Variants in DNAH14 observed in about 807,000 individuals in gnomAD.
The protein encoded by DNAH14 is dynein axonemal heavy chain 14, also known as axonemal beta dynein heavy chain 14.
A neutral mutation model predicts 520.9 loss-of-function variants in DNAH14; 478 were observed. The ratio of observed to expected loss-of-function variants is 0.92; its 90% confidence interval spans 0.85 to 0.99. DNAH14 has a LOEUF of 0.99. Among genes scored for constraint, DNAH14 ranks in the 50% least tolerant of loss-of-function variants. The pLI, the probability that DNAH14 is intolerant of heterozygous loss-of-function variation, is 0.00. For missense variants in DNAH14, 4,831 were observed against 5,234.5 expected, an observed-to-expected ratio of 0.92 and a Z score of 2.38; for synonymous variants, 1,581 against 1,757.2, an observed-to-expected ratio of 0.90 and a Z score of 2.51.
chr1:225,113,710 C>A (rs1457773066), intron 23 of DNAH14, among the ~76,000 whole-genome samples: 1 of 152,216 alleles, frequency 6.6e-6, no homozygotes, highest in East Asian at 1.9e-4. Context: ...GTCCTTCTCA[C>A]TCTTCCCTTC....
At chr1:225,272,159 G>GA in intron 51 of DNAH14, 86 bp downstream of exon 51, 1 of 1,278,010 alleles carries the variant, frequency 7.8e-7, no homozygotes, top group Non-Finnish European at 1.1e-6. Context: ...GTTAGAAGGG[G>GA]AAAAAAGGGA....
At chr1:225,374,548 A>G (rs1038385104) in intron 77 of DNAH14, 140 bp from the exon 78 acceptor site, 5 of 771,112 alleles carry the variant, frequency 6.5e-6, no homozygotes, top group Non-Finnish European at 9.7e-6. Flanking sequence ...GGCGTGAGCC[A>G]CTGCACCTGG....
intron 60 of DNAH14, among the ~76,000 whole-genome samples, chr1:225,316,013 G>C (rs932992124): frequency 6.6e-6 from 1 of 152,234 alleles, no homozygotes; most frequent in Admixed American, 6.5e-5. Flanking sequence ...ATAAGCCCCT[G>C]ACGGGGCTGC....
intron 68 of DNAH14, among the ~76,000 whole-genome samples, chr1:225,338,744 G>A (rs1310291244): frequency 6.6e-6 from 1 of 152,176 alleles, no homozygotes; most frequent in Non-Finnish European, 1.5e-5. Context: ...TGTTTGAATT[G>A]TTAATGTGCA....
chr1:225,049,815 A>G (rs1350831822), intron 15 of DNAH14, among the ~76,000 whole-genome samples: 1 of 141,392 alleles, frequency 7.1e-6, no homozygotes, highest in Non-Finnish European at 1.6e-5. Flanking sequence ...TCTATCAATC[A>G]TCTATCTATG....
At position 224,960,160 on chromosome 1, in the gene DNAH14, T is replaced by C; in HGVS notation, c.225T>C (p.Leu75=). 1 of 1,585,776 alleles carries C rather than the reference T, an allele frequency of 6.3e-7. No homozygotes were observed. Among genetic ancestry groups the C allele is most frequent in the Non-Finnish European group, 8.5e-7 (1 of 1,169,946 alleles). ...SLKSEKTEDY[L]RESIIQQHMV... is the part of the protein sequence containing the mutation. ...TAATGGTTTTATTTTCAGATTACCT[T>C]AGAGAAAGTATAATTCAACAACATA... Residue 75 remains leucine, a synonymous_variant, in exon 4 of 86, where the codon CTT becomes CTC. Transcript: ENST00000682510.
At chr1:225,395,209 A>G (rs2095989795) in intron 84 of DNAH14, among the ~76,000 whole-genome samples, 1 of 152,204 alleles carries the variant, frequency 6.6e-6, no homozygotes, top group African/African-American at 2.4e-5. Context: ...CACTTTTATC[A>G]ATATGATTTA....
chr1:225,085,448 A>C, intron 20 of DNAH14, 96 bp from the exon 21 acceptor site: 7 of 1,116,730 alleles, frequency 6.3e-6, no homozygotes, highest in Non-Finnish European at 8.9e-6. Flanking sequence ...AATATTTTTG[A>C]TGTGCCTTTC....
intron 36 of DNAH14, among the ~76,000 whole-genome samples, chr1:225,182,570 G>GA (rs1014545366): frequency 6.6e-6 from 1 of 152,078 alleles, no homozygotes; most frequent in Non-Finnish European, 1.5e-5. Context: ...AAGACACATT[G>GA]AAAAAAGTAG....
chr1:225,039,981 A>C (rs1177229393), intron 12 of DNAH14, among the ~76,000 whole-genome samples: 4 of 130,200 alleles, frequency 3.1e-5, no homozygotes, highest in African/African-American at 1.2e-4. Flanking sequence ...TCTGTCTCCC[A>C]GGCTGGAGTG....
At chr1:225,257,489 T>C (rs1013296219) in intron 44 of DNAH14, among the ~76,000 whole-genome samples, 3 of 152,176 alleles carry the variant, frequency 2.0e-5, no homozygotes, top group Non-Finnish European at 2.9e-5. Flanking sequence ...CTGAAACAAA[T>C]CTTAACATAT....
At chr1:225,288,726 C>T (rs2093801809) in intron 54 of DNAH14, among the ~76,000 whole-genome samples, 1 of 152,082 alleles carries the variant, frequency 6.6e-6, no homozygotes, top group Admixed American at 6.6e-5. Flanking sequence ...TGTTCGGCTT[C>T]ATTAGTCATT....
At chr1:225,118,095 G>A (rs1573237665) in intron 25 of DNAH14, 96 bp downstream of exon 25, 2 of 914,558 alleles carry the variant, frequency 2.2e-6, no homozygotes, top group African/African-American at 3.3e-5. Flanking sequence ...AGTGCGCTAA[G>A]CAAACTGTTT....
In DNAH14 at chr1:225,340,661, A is replaced by G; in HGVS notation, c.10638A>G (p.Glu3546=). ...CCCTTGATGCCATAACTCTTGAAGA[A>G]CTAGAGGAAAAAACATTAAATTTAC... The part of the protein sequence containing the change: ...SISLDAITLE[E]LEEKTLNLLQ... The change falls in exon 69 of 86, where the codon GAA becomes GAG. Residue 3546 remains glutamate, a synonymous_variant. Transcript: ENST00000682510. 2 of 1,551,388 alleles carry G rather than the reference A, an allele frequency of 1.3e-6. No homozygotes were observed. Among genetic ancestry groups the G allele is most frequent in the Non-Finnish European group, 1.7e-6 (2 of 1,146,844 alleles).
chr1:225,189,465 A>T (rs2085144288), intron 37 of DNAH14, among the ~76,000 whole-genome samples: 1 of 148,544 alleles, frequency 6.7e-6, no homozygotes, highest in East Asian at 2.0e-4. Flanking sequence ...TTCTTCTTTA[A>T]GTGTTTGGTG....
intron 8 of DNAH14, among the ~76,000 whole-genome samples, chr1:224,985,267 T>C (rs962092740): frequency 1.3e-5 from 2 of 152,196 alleles, no homozygotes; most frequent in African/African-American, 4.8e-5. Flanking sequence ...ATATATATGA[T>C]GGAATACTAC....
chr1:225,141,070 A>G (rs2079410579), intron 28 of DNAH14, 49 bp downstream of exon 28: 1 of 1,439,370 alleles, frequency 6.9e-7, no homozygotes, highest in Non-Finnish European at 9.2e-7. Context: ...TCCCAAATAT[A>G]TCTTTAGGTA....
chr1:225,105,014 TG>T (rs1453194119), intron 23 of DNAH14, among the ~76,000 whole-genome samples: 1 of 152,230 alleles, frequency 6.6e-6, no homozygotes, highest in African/African-American at 2.4e-5. Flanking sequence ...CTTTCTCTTG[TG>T]GGCATTTAGT....
chr1:225,379,408 G>A (rs1189436058), intron 79 of DNAH14, among the ~76,000 whole-genome samples: 1 of 152,172 alleles, frequency 6.6e-6, no homozygotes, highest in African/African-American at 2.4e-5. Flanking sequence ...TAATTTTGTG[G>A]TTCTGTGAAG....
Sources: allele counts gnomAD v4.1 joint callset (sites outside exome capture counted in the v4.1 genomes callset), GRCh38; gene constraint gnomAD v4.1.1; transcripts MANE v1.5; gene names NCBI Gene and HGNC (gene_info 2026-07-23, HGNC 2026-07-21).